Variants in ZPR1 observed in about 807,000 individuals in gnomAD.
ZPR1 encodes the protein zinc finger protein ZPR1.
ZPR1 carries 37 observed loss-of-function variants against 59.6 expected under a neutral mutation model. The observed-to-expected ratio is 0.62, with a 90% CI of 0.48 to 0.82. ZPR1 has a LOEUF of 0.82. ZPR1 is among the 40% of genes least tolerant of loss of function. The pLI, the probability that ZPR1 is intolerant of heterozygous loss-of-function variation, is 0.00. For missense variants in ZPR1, 527 were observed against 579.9 expected (o/e 0.91, Z 0.94); for synonymous variants, 191 against 215.2 (o/e 0.89, Z 0.99).
chr11:116,786,628 C>A, intron 3 of ZPR1, 47 bp from the exon 4 acceptor site: 1 of 1,531,996 alleles, frequency 6.5e-7, no homozygotes. Context: ...CTCAGCTCTG[C>A]TATCAAGTCC....
chr11:116,783,480 G>A, intron 10 of ZPR1, 50 bp downstream of exon 10: 2 of 1,481,602 alleles, frequency 1.3e-6, no homozygotes, highest in Non-Finnish European at 1.9e-6. Context: ...GATAGAGACA[G>A]TTTATCTAAC....
chr11:116,781,842 C>A (rs986177401), intron 12 of ZPR1, among the ~76,000 whole-genome samples: 4 of 152,004 alleles, frequency 2.6e-5, no homozygotes, highest in Admixed American at 2.6e-4. Context: ...GAAACCCTGT[C>A]TCTACTAAAA....
intron 2 of ZPR1, 190 bp from the exon 3 acceptor site, chr11:116,787,249 C>CT (rs1940901861): frequency 4.5e-6 from 3 of 664,942 alleles, no homozygotes; most frequent in Non-Finnish European, 7.7e-6. Context: ...GGTGAGAATA[C>CT]TATTCATAAC....
At position 116,779,579 on chromosome 11, in the gene ZPR1, T is replaced by C. The variant is rs139636218; in HGVS notation, c.1245+193A>G. On this transcript the variant is annotated intron_variant, in intron 13 of 13. Coordinates refer to ENST00000227322, the MANE Select transcript of ZPR1 (RefSeq NM_003904.5). ...TCAGAGTATCCTTTTTTTTTCCTTCTTTACATACACTTAAAAAAAAAATCC... is the reference window on the plus strand; with the variant it reads ...TCAGAGTATCCTTTTTTTTTCCTTCCTTACATACACTTAAAAAAAAAATCC... Among the ~76,000 whole-genome samples the C allele has an allele frequency of 4.7e-3, 718 of 151,968 alleles. 5 individuals carry two copies. The highest frequency in any genetic ancestry group is 7.7e-3 in the Non-Finnish European group (526 of 67,930).
Position 116,778,827 on chromosome 11 carries a change from T to A in ZPR1, c.*98A>T. ...TGTCCTCCCCACCATGGGCAAGGGC[T>A]GGTGGGAAAGACACTCCCAGCCTTC... On this transcript the variant is annotated 3_prime_UTR_variant, in exon 14 of 14. Transcript: ENST00000227322. 6.8e-7 allele frequency: 1 copy of A among 1,476,406 alleles called. No homozygotes were observed. The allele number at this position is 1,476,406 out of a possible 1,614,324, so 91.5% of individuals were successfully genotyped here.
chr11:116,781,109 C>CA (rs923261546), intron 12 of ZPR1, among the ~76,000 whole-genome samples: 2 of 148,838 alleles, frequency 1.3e-5, no homozygotes, highest in African/African-American at 2.5e-5. Context: ...CAAAGAAGAA[C>CA]AAAAAAACCA....
At chr11:116,781,515 G>A (rs1015163765) in intron 12 of ZPR1, among the ~76,000 whole-genome samples, 6 of 152,102 alleles carry the variant, frequency 3.9e-5, no homozygotes, top group African/African-American at 1.2e-4. Flanking sequence ...TGCAGTCTTC[G>A]AAATTCTGAT....
At position 116,774,710 on chromosome 11, in the gene ZPR1, G is replaced by A. The variant is rs1441167029; in HGVS notation, c.*4215C>T. ...ACGAGGACGCTGGGCTGAGAAGATA[G>A]GGCTTCACTAGGCGGAGGGCCCCAG... On this transcript the variant is annotated 3_prime_UTR_variant, in exon 14 of 14. Coordinates refer to ENST00000227322, the MANE Select transcript of ZPR1 (RefSeq NM_003904.5). 2 of 152,260 alleles carry A rather than the reference G, an allele frequency of 1.3e-5. No individual in the cohort carries two copies. Among genetic ancestry groups the A allele is most frequent in the African/African-American group, 4.8e-5 (2 of 41,446 alleles). 9.4% of individuals were successfully genotyped at this position (152,260 alleles called of 1,614,324 possible). A position where few individuals can be genotyped will look rare whatever the true frequency, so the allele number is the denominator to read the frequency against.
intron 12 of ZPR1, 117 bp from the exon 13 acceptor site, chr11:116,779,954 T>C (rs564498315): frequency 4.4e-6 from 2 of 458,904 alleles, no homozygotes; most frequent in South Asian, 6.1e-5. Context: ...AAATGACTAG[T>C]TAATGGGTAC....
chr11:116,783,501 A>T, intron 10 of ZPR1, 29 bp downstream of exon 10: 2 of 1,578,840 alleles, frequency 1.3e-6, no homozygotes, highest in Non-Finnish European at 8.7e-7. Flanking sequence ...TTATGAGGAC[A>T]ACAGTGACTT....
intron 8 of ZPR1, 155 bp from the exon 9 acceptor site, chr11:116,784,603 T>C (rs1410612070): frequency 5.9e-6 from 5 of 851,688 alleles, no homozygotes; most frequent in Non-Finnish European, 9.8e-6. Flanking sequence ...AGAGGGCAAG[T>C]TCCCAACCCA....
Position 116,784,839 on chromosome 11 carries a change from G to A in ZPR1, c.820+16C>T. ...GAGTCAGATGAAGAGCAACCCAACT[G>A]CTTGGCAAAAGATACGTACTAGCTT... is the stretch of plus-strand genomic sequence containing the variant. On this transcript the variant is annotated intron_variant, in intron 8 of 13. Coordinates refer to ENST00000227322, the MANE Select transcript of ZPR1 (RefSeq NM_003904.5). 6.2e-7 allele frequency: 1 copy of A among 1,614,082 alleles called. No individual in the cohort carries two copies. Among genetic ancestry groups the A allele is most frequent in the Non-Finnish European group, 8.5e-7 (1 of 1,179,948 alleles).
In ZPR1 at chr11:116,783,514, C is replaced by T. The variant is rs200905451; in HGVS notation, c.981+16G>A. ...ACTTATGAGGACAACAGTGACTTTC[C>T]CAAGCAGACTGTTACCTTGAGGAGG... On this transcript the variant is annotated intron_variant, in intron 10 of 13. Coordinates refer to ENST00000227322, the MANE Select transcript of ZPR1 (RefSeq NM_003904.5). 2 of 1,605,974 alleles carry T rather than the reference C, an allele frequency of 1.2e-6. No homozygotes were observed. The highest frequency in any genetic ancestry group is 4.5e-5 in the East Asian group (2 of 44,846).
chr11:116,782,593 T>C (rs913990856), intron 11 of ZPR1, among the ~76,000 whole-genome samples: 1 of 151,918 alleles, frequency 6.6e-6, no homozygotes, highest in African/African-American at 2.4e-5. Flanking sequence ...TTGGGCTAAG[T>C]CAACCCATAC....
At chr11:116,782,728 AATT>A (rs1299917154) in intron 11 of ZPR1, among the ~76,000 whole-genome samples, 188 bp downstream of exon 11, 8 of 152,324 alleles carry the variant, frequency 5.3e-5, no homozygotes, top group African/African-American at 1.9e-4. Flanking sequence ...TTAGGCCTGG[AATT>A]TCCATTCAAC....
rs1169612173 is a variant in ZPR1 at position 116,777,607 on chromosome 11, C to T, written c.*1318G>A. 2 of 150,212 alleles carry T rather than the reference C, an allele frequency of 1.3e-5. No individual in the cohort carries two copies. The highest frequency in any genetic ancestry group is 4.9e-5 in the African/African-American group (2 of 40,676). 9.3% of individuals were successfully genotyped at this position (150,212 alleles called of 1,614,324 possible). A position where few individuals can be genotyped will look rare whatever the true frequency, so the allele number is the denominator to read the frequency against. ...CCCGGGAGGCAAAGGTTGCAATAAG[C>T]CAAGATCACACCACTGCACTCCAGC... On this transcript the variant is annotated 3_prime_UTR_variant, in exon 14 of 14. Coordinates refer to ENST00000227322, the MANE Select transcript of ZPR1 (RefSeq NM_003904.5).
Position 116,786,524 on chromosome 11 carries a change from TG to T in ZPR1, c.481del (p.Gln161SerfsTer22). ...TRAISGLEQDQPARRANKDAT... is the reference protein window; with the variant it reads ...TRAISGLEQDXPARRANKDAT... ...ACCCCAGCTTACCCTTCGTGCAGGC[TG>T]GTCCTGCTCCAGGCCAGAGATAGCA... On this transcript the variant is annotated frameshift_variant, in exon 4 of 14. Transcript: ENST00000227322. LOFTEE classifies it high-confidence loss of function. 6.2e-7 allele frequency: 1 copy of T among 1,614,234 alleles called. No homozygotes were observed. The highest frequency in any genetic ancestry group is 8.5e-7 in the Non-Finnish European group (1 of 1,180,034).
In ZPR1 at chr11:116,782,156, A is replaced by G; in HGVS notation, c.1179+2T>C. 6.2e-7 allele frequency: 1 copy of G among 1,613,732 alleles called. No individual in the cohort carries two copies. The highest frequency in any genetic ancestry group is 8.5e-7 in the Non-Finnish European group (1 of 1,179,680). ...AGTACTGACTGGCCAGTGACCTCTT[A>G]CCTGGTCCATCTTCTGGCTAAACTC... On this transcript the variant is annotated splice_donor_variant, in intron 12 of 13. Transcript: ENST00000227322. LOFTEE classifies it high-confidence loss of function.
Position 116,777,796 on chromosome 11 carries a change from G to A in ZPR1, c.*1129C>T, listed in dbSNP as rs1367286857. 3.3e-5 allele frequency: 5 copies of A among 152,132 alleles called. No individual in the cohort carries two copies. Among genetic ancestry groups the A allele is most frequent in the Non-Finnish European group, 7.3e-5 (5 of 68,038 alleles). 9.4% of individuals were successfully genotyped at this position (152,132 alleles called of 1,614,324 possible). On this transcript the variant is annotated 3_prime_UTR_variant, in exon 14 of 14. Transcript: ENST00000227322. Reference sequence around the variant, plus strand: ...AGGAGTCACCTTTTGTTTATGAGAGGCAGGAGACTACAGTGCAAAGAACAC... The same window carrying A: ...AGGAGTCACCTTTTGTTTATGAGAGACAGGAGACTACAGTGCAAAGAACAC...
Sources: allele counts gnomAD v4.1 joint callset (sites outside exome capture counted in the v4.1 genomes callset), GRCh38; gene constraint gnomAD v4.1.1; transcripts MANE v1.5; gene names NCBI Gene and HGNC (gene_info 2026-07-23, HGNC 2026-07-21).